Variants in BFSP1 observed in about 807,000 individuals in gnomAD.
BFSP1 encodes the protein beaded filament structural protein 1.
A neutral mutation model predicts 43.9 loss-of-function variants in BFSP1; 38 were observed. The observed-to-expected ratio is 0.87, with a 90% CI of 0.67 to 1.14. The LOEUF is 1.14. Ranked by LOEUF, BFSP1 falls within the 50% of genes most tolerant of loss-of-function variation. The probability of loss-of-function intolerance (pLI) is 0.00; values close to 1 mark genes in which losing one functional copy is unlikely to be tolerated. For synonymous variants in BFSP1, 352 were observed against 354.8 expected (o/e 0.99, Z 0.09); for missense variants, 850 against 875.1 (o/e 0.97, Z 0.36).
chr20:17,524,978 G>T, intron 1 of BFSP1, 70 bp from the exon 2 acceptor site: 2 of 1,375,428 alleles, frequency 1.5e-6, no homozygotes, highest in Non-Finnish European at 2.1e-6. Flanking sequence ...CACATAATCA[G>T]CATTAAATTC....
upstream of BFSP1, among the ~76,000 whole-genome samples, chr20:17,536,325 T>C (rs899605340): frequency 1.3e-5 from 2 of 151,964 alleles, no homozygotes; most frequent in African/African-American, 4.8e-5. Flanking sequence ...CCAAGGCGGG[T>C]GGACTGCTTG....
intron 1 of BFSP1, among the ~76,000 whole-genome samples, chr20:17,552,633 G>A (rs1265035546): frequency 6.6e-6 from 1 of 152,162 alleles, no homozygotes; most frequent in East Asian, 1.9e-4. Flanking sequence ...AGACCAGGGT[G>A]ATAGCAATGG....
In BFSP1 at chr20:17,558,827, G is replaced by C. The variant is rs903281257; in HGVS notation, c.-138C>G. The C allele has an allele frequency of 1.0e-5, 13 of 1,301,312 alleles. No individual in the cohort carries two copies. The African/African-American group carries it at 2.0e-4, about 20-fold the overall frequency. 80.6% of individuals were successfully genotyped at this position (1,301,312 alleles called of 1,614,324 possible). The stretch of plus-strand genomic sequence containing the variant: ...CTCTCCAGAGGGCCAGGTCTGGGCT[G>C]AGAAAGAAAGGAGGCTTTAGAGGTT... On this transcript the variant is annotated 5_prime_UTR_variant, in exon 1 of 8. Coordinates refer to the BFSP1 transcript ENST00000377868.
At position 17,494,848 on chromosome 20, in the gene BFSP1, A is replaced by C; in HGVS notation, c.1224T>G (p.Ser408Arg). The change falls in exon 8 of 8, where the codon AGT becomes AGG. Residue 408 changes from serine (S) to arginine (R), a missense_variant. Transcript: ENST00000377873. ...TACTTTCTGATTCAAACTTAGATTC[A>C]CTTTCCTCTTTAAGTACCACCTGTA... Reference protein sequence around the residue: ...KLVQVVLKEESESKFESESKE... With the variant: ...KLVQVVLKEERESKFESESKE... 1 of 1,614,106 alleles carries C rather than the reference A, an allele frequency of 6.2e-7. No individual in the cohort carries two copies. The highest frequency in any genetic ancestry group is 1.3e-5 in the African/African-American group (1 of 75,012).
chr20:17,497,442 G>GTATATA (rs1491097210), intron 6 of BFSP1, among the ~76,000 whole-genome samples: 35 of 33,354 alleles, frequency 1.0e-3, no homozygotes, highest in African/African-American at 9.4e-3. Flanking sequence ...GTATATATAC[G>GTATATA]TGTATGTATA....
intron 4 of BFSP1, among the ~76,000 whole-genome samples, chr20:17,511,413 T>A (rs118026925): frequency 6.6e-6 from 1 of 152,208 alleles, no homozygotes; most frequent in Non-Finnish European, 1.5e-5. Context: ...ATCAGATTGA[T>A]AGGGAGAATA....
At chr20:17,495,342 C>T (rs1021883040) in intron 7 of BFSP1, among the ~76,000 whole-genome samples, 10 of 152,196 alleles carry the variant, frequency 6.6e-5, no homozygotes, top group African/African-American at 2.2e-4. Context: ...TATGCAAGGC[C>T]ATTGTCCTGA....
At chr20:17,512,392 G>A (rs944126680) in intron 3 of BFSP1, among the ~76,000 whole-genome samples, 1 of 143,792 alleles carries the variant, frequency 7.0e-6, no homozygotes, top group African/African-American at 2.6e-5. Context: ...CAAAGCCCTG[G>A]GTGGCGGAGG....
At chr20:17,511,924 A>G in intron 4 of BFSP1, 52 bp downstream of exon 4, 1 of 1,500,460 alleles carries the variant, frequency 6.7e-7, no homozygotes. Flanking sequence ...GGGAGTCTCC[A>G]GGTACAGCTT....
chr20:17,521,156 A>G (rs895043594), intron 2 of BFSP1, among the ~76,000 whole-genome samples: 3 of 152,222 alleles, frequency 2.0e-5, no homozygotes, highest in Admixed American at 6.5e-5. Flanking sequence ...CAAATATTTT[A>G]AAGTCACCTG....
chr20:17,567,557 C>CT, intron 1 of BFSP1, among the ~76,000 whole-genome samples: 3 of 152,222 alleles, frequency 2.0e-5, no homozygotes, highest in East Asian at 3.9e-4. Flanking sequence ...TGATTTGGAT[C>CT]TTTATTAAGA....
intron 4 of BFSP1, 95 bp from the exon 5 acceptor site, chr20:17,509,091 T>C: frequency 2.3e-6 from 2 of 858,712 alleles, no homozygotes; most frequent in South Asian, 4.6e-5. Flanking sequence ...AATATCCGTG[T>C]CCCCCTGAAT....
chr20:17,552,911 C>G (rs372677794), intron 1 of BFSP1, among the ~76,000 whole-genome samples: 2 of 152,160 alleles, frequency 1.3e-5, no homozygotes, highest in Non-Finnish European at 2.9e-5. Context: ...AGTCAGAAAT[C>G]TGGAGAGAGG....
chr20:17,528,611 T>C (rs551825123), intron 1 of BFSP1, among the ~76,000 whole-genome samples: 23 of 152,324 alleles, frequency 1.5e-4, no homozygotes, highest in Middle Eastern at 3.4e-3. Flanking sequence ...CGAAAGAGCA[T>C]AGGCCCAGGG....
chr20:17,528,757 G>C (rs1208312379), intron 1 of BFSP1, among the ~76,000 whole-genome samples: 1 of 152,136 alleles, frequency 6.6e-6, no homozygotes, highest in Non-Finnish European at 1.5e-5. Context: ...TAAACCCCAA[G>C]ACAAAAGAGC....
In BFSP1 at chr20:17,511,213, A is replaced by C. The variant is rs76647409; in HGVS notation, c.627+763T>G. On this transcript the variant is annotated intron_variant, in intron 4 of 7. Transcript: ENST00000377873. ...GTTGAGCAGCTAGAGAGTCAAATGA[A>C]GAAGGAATTTGGAACATAATATCAG... Among the ~76,000 whole-genome samples the C allele has an allele frequency of 5.4e-3, 819 of 152,344 alleles. 25 individuals are homozygous for C. The East Asian group carries it at 0.074, about 14-fold the overall frequency.
chr20:17,494,425 A>G lies in BFSP1; in HGVS notation c.1647T>C (p.Asp549=), dbSNP rs2033574405. The G allele has an allele frequency of 1.2e-6, 2 of 1,613,912 alleles. No homozygotes were observed. The highest frequency in any genetic ancestry group is 1.1e-5 in the South Asian group (1 of 91,070). Reference sequence around the variant, plus strand: ...CTTCAGGGCCTTCCAGCTCTGCACCATCTGGCTCAATCTCCTTGTCTATAG... The same window carrying G: ...CTTCAGGGCCTTCCAGCTCTGCACCGTCTGGCTCAATCTCCTTGTCTATAG... ...QQPIDKEIEP[D]GAELEGPEEK... The change falls in exon 8 of 8, where the codon GAT becomes GAC. Residue 549 remains aspartate (D), a synonymous_variant. Transcript: ENST00000377873.
chr20:17,550,193 G>A (rs2034872945), intron 1 of BFSP1, among the ~76,000 whole-genome samples: 1 of 152,206 alleles, frequency 6.6e-6, no homozygotes, highest in Non-Finnish European at 1.5e-5. Context: ...GTGCAGGAAA[G>A]AAGTCAAGGC....
At chr20:17,540,227 T>C (rs1318463661) in intron 1 of BFSP1, among the ~76,000 whole-genome samples, 1 of 151,554 alleles carries the variant, frequency 6.6e-6, no homozygotes, top group African/African-American at 2.4e-5. Context: ...TTTCCTGCTA[T>C]TCCACCCTCT....
Sources: gnomAD v4.1 joint callset for allele counts (sites outside exome capture counted in the v4.1 genomes callset) on GRCh38, gnomAD v4.1.1 for gene constraint, MANE v1.5 for transcripts, NCBI Gene and HGNC (gene_info 2026-07-23, HGNC 2026-07-21) for gene names.